LNPK: variants seen among roughly 807,000 people sequenced by gnomAD.
LNPK encodes the protein lunapark, ER junction formation factor, also known as endoplasmic reticulum junction formation protein lunapark.
Under a neutral mutation model 55.2 loss-of-function variants are expected in LNPK, and 29 were observed. The observed-to-expected ratio is 0.53, with a 90% CI of 0.39 to 0.72. The LOEUF is 0.72. Ranked by LOEUF, LNPK falls within the 30% of genes least tolerant of loss-of-function variation. The pLI, the probability that LNPK is intolerant of heterozygous loss-of-function variation, is 0.00. For missense variants in LNPK, 467 were observed against 494.8 expected, an observed-to-expected ratio of 0.94 and a Z score of 0.53; for synonymous variants, 162 against 168.2, an observed-to-expected ratio of 0.96 and a Z score of 0.29.
At chr2:175,960,129 T>C (rs2105610396) in intron 8 of LNPK, among the ~76,000 whole-genome samples, 1 of 152,274 alleles carries the variant, frequency 6.6e-6, no homozygotes, top group East Asian at 1.9e-4. Context: ...AACACCCCAC[T>C]GTCAATATTA....
chr2:175,950,801 C>A (rs1468323700), intron 8 of LNPK, among the ~76,000 whole-genome samples: 1 of 152,000 alleles, frequency 6.6e-6, no homozygotes, highest in Non-Finnish European at 1.5e-5. Flanking sequence ...AAGAACTCAG[C>A]CAAAGCACAT....
intron 4 of LNPK, among the ~76,000 whole-genome samples, chr2:175,980,853 G>A (rs1460930737): frequency 6.8e-6 from 1 of 147,456 alleles, no homozygotes; most frequent in African/African-American, 2.5e-5. Flanking sequence ...GTTGCAGTGA[G>A]CCAAGATCAT....
At chr2:175,951,137 T>C (rs1839009) in intron 8 of LNPK, among the ~76,000 whole-genome samples, 3,857 of 152,176 alleles carry the variant, frequency 0.025, 66 homozygotes, top group Middle Eastern at 0.1. Flanking sequence ...GAAGGTTTTG[T>C]CTTTGTTCTA....
intron 11 of LNPK, 25 bp from the exon 12 acceptor site, chr2:175,937,539 G>A: frequency 6.3e-7 from 1 of 1,583,832 alleles, no homozygotes; most frequent in Non-Finnish European, 8.6e-7. Context: ...TTAAAAATAA[G>A]CAAAACCACA....
chr2:175,954,728 G>A (rs1281155971), intron 8 of LNPK, among the ~76,000 whole-genome samples: 1 of 152,042 alleles, frequency 6.6e-6, no homozygotes, highest in African/African-American at 2.4e-5. Flanking sequence ...GTCCTATTTG[G>A]TAAATTACTA....
intron 8 of LNPK, among the ~76,000 whole-genome samples, chr2:175,962,351 C>G (rs370578037): frequency 7.9e-5 from 12 of 152,148 alleles, no homozygotes; most frequent in African/African-American, 2.9e-4. Context: ...CGTACCACAA[C>G]AGATATATAG....
intron 12 of LNPK, among the ~76,000 whole-genome samples, chr2:175,935,513 T>C (rs1684501134): frequency 6.6e-6 from 1 of 152,250 alleles, no homozygotes; most frequent in Non-Finnish European, 1.5e-5. Flanking sequence ...TTGAGTTAGA[T>C]GTCTTGAGAA....
intron 2 of LNPK, chr2:175,994,176 TCATTGTA>T (rs1687829301): frequency 1.0e-6 from 1 of 981,338 alleles, no homozygotes; most frequent in African/African-American, 1.7e-5. Context: ...GAATATCAGT[TCATTGTA>T]GTTTCCATAA....
chr2:175,988,227 C>T (rs951778583), intron 4 of LNPK, among the ~76,000 whole-genome samples: 2 of 151,948 alleles, frequency 1.3e-5, no homozygotes, highest in East Asian at 3.9e-4. Flanking sequence ...ATGAGCTGGG[C>T]GTGGTGGCTC....
At chr2:175,996,590 G>A (rs1190972167) in intron 1 of LNPK, among the ~76,000 whole-genome samples, 2 of 152,122 alleles carry the variant, frequency 1.3e-5, no homozygotes, top group Admixed American at 6.5e-5. Context: ...AGTGAAAAGA[G>A]GTTTAGTGAT....
chr2:175,936,796 G>T (rs1461450382), intron 12 of LNPK, among the ~76,000 whole-genome samples: 1 of 152,006 alleles, frequency 6.6e-6, no homozygotes, highest in African/African-American at 2.4e-5. Flanking sequence ...TACATCAAAG[G>T]CAATGTTAAT....
intron 4 of LNPK, among the ~76,000 whole-genome samples, chr2:175,981,186 T>C (rs1687159789): frequency 6.6e-6 from 1 of 152,200 alleles, no homozygotes; most frequent in Admixed American, 6.5e-5. Context: ...GAAGTGATAG[T>C]GTATCACTTC....
intron 2 of LNPK, among the ~76,000 whole-genome samples, chr2:175,993,521 G>C (rs1291362984): frequency 4.6e-5 from 7 of 152,128 alleles, no homozygotes; most frequent in Non-Finnish European, 8.8e-5. Context: ...GTTCTAGAAA[G>C]AAACAAATTT....
intron 5 of LNPK, among the ~76,000 whole-genome samples, chr2:175,976,885 T>C (rs547146398): frequency 1.2e-3 from 179 of 152,328 alleles, no homozygotes; most frequent in Non-Finnish European, 1.8e-3. Flanking sequence ...GTCTCCATAA[T>C]TGCATGAGCC....
At chr2:175,991,892 C>T (rs954969920) in intron 4 of LNPK, among the ~76,000 whole-genome samples, 4 of 152,132 alleles carry the variant, frequency 2.6e-5, no homozygotes, top group Non-Finnish European at 4.4e-5. Flanking sequence ...AGCAGTTATT[C>T]TTTCGTTTTT....
intron 6 of LNPK, among the ~76,000 whole-genome samples, chr2:175,965,412 C>T (rs1299954231): frequency 6.6e-6 from 1 of 152,168 alleles, no homozygotes; most frequent in Non-Finnish European, 1.5e-5. Context: ...TAGTACAAGA[C>T]AGTCATAGTA....
chr2:175,977,140 A>G (rs1379880526), intron 5 of LNPK, among the ~76,000 whole-genome samples: 1 of 152,334 alleles, frequency 6.6e-6, no homozygotes, highest in Non-Finnish European at 1.5e-5. Context: ...ATACAAGTCT[A>G]CAGCTGAAGG....
intron 5 of LNPK, 120 bp from the exon 6 acceptor site, chr2:175,970,924 AC>A (rs1236995535): frequency 1.2e-6 from 1 of 855,954 alleles, no homozygotes; most frequent in Admixed American, 3.8e-5. Context: ...TCAAAATTTA[AC>A]TGATGTGTAG....
Position 175,928,447 on chromosome 2 carries a change from C to T in LNPK, c.*1520G>A, listed in dbSNP as rs1021713252. ...ACAGACCTGAAATTTAAGCCCAATA[C>T]GGCAGGCTCAAAAACTCTGGTTACT... On this transcript the variant is annotated 3_prime_UTR_variant, in exon 13 of 13. Coordinates refer to ENST00000272748, the MANE Select transcript of LNPK (RefSeq NM_030650.3). The T allele has an allele frequency of 1.0e-4, 15 of 143,996 alleles. No individual in the cohort carries two copies. The East Asian group carries it at 2.0e-3, about 20-fold the overall frequency. The allele number at this position is 143,996 out of a possible 1,614,324, so 8.9% of individuals were successfully genotyped here. A position where few individuals can be genotyped will look rare whatever the true frequency, so the allele number is the denominator to read the frequency against.
Sources: gnomAD v4.1 joint callset for allele counts (sites outside exome capture counted in the v4.1 genomes callset) on GRCh38, gnomAD v4.1.1 for gene constraint, MANE v1.5 for transcripts, NCBI Gene and HGNC (gene_info 2026-07-23, HGNC 2026-07-21) for gene names.